FER: variants seen among roughly 807,000 people sequenced by gnomAD.
FER encodes the protein tyrosine-protein kinase Fer.
A neutral mutation model predicts 111.0 loss-of-function variants in FER; 63 were observed. That is an observed-to-expected ratio of 0.57 (90% CI 0.46 to 0.70). FER has a LOEUF of 0.70. Ranked by LOEUF, FER falls within the 30% of genes least tolerant of loss-of-function variation. The pLI, the probability that FER is intolerant of heterozygous loss-of-function variation, is 0.00. For missense variants in FER, 914 were observed against 954.0 expected (o/e 0.96, Z 0.55); for synonymous variants, 327 against 313.9 (o/e 1.04, Z -0.44).
At chr5:108,800,085 T>C (rs1756470850) in intron 3 of FER, among the ~76,000 whole-genome samples, 1 of 152,030 alleles carries the variant, frequency 6.6e-6, no homozygotes, top group Non-Finnish European at 1.5e-5. Context: ...TCAAATGATC[T>C]ACCTGCCTCG....
At chr5:108,801,594 C>T (rs1038763870) in intron 3 of FER, among the ~76,000 whole-genome samples, 3 of 152,182 alleles carry the variant, frequency 2.0e-5, no homozygotes, top group South Asian at 2.1e-4. Context: ...GCACTTATCA[C>T]GTACTATGCA....
chr5:108,926,094 T>A (rs1384551687), intron 10 of FER, among the ~76,000 whole-genome samples: 3 of 151,722 alleles, frequency 2.0e-5, no homozygotes, highest in Non-Finnish European at 4.4e-5. Context: ...ACAGTCATTG[T>A]CTTTTCAAAA....
At chr5:108,950,040 C>T (rs762783502) in intron 11 of FER, among the ~76,000 whole-genome samples, 3 of 151,774 alleles carry the variant, frequency 2.0e-5, no homozygotes, top group African/African-American at 4.8e-5. Flanking sequence ...GAGGAAACCC[C>T]AAAGGTACTG....
At chr5:108,849,785 C>G (rs1762375137) in intron 5 of FER, among the ~76,000 whole-genome samples, 1 of 152,080 alleles carries the variant, frequency 6.6e-6, no homozygotes, top group Non-Finnish European at 1.5e-5. Context: ...ATTAACATTT[C>G]TAATAAAGCT....
At chr5:108,917,341 A>G (rs553271853) in intron 10 of FER, among the ~76,000 whole-genome samples, 3 of 152,198 alleles carry the variant, frequency 2.0e-5, no homozygotes, top group Non-Finnish European at 1.5e-5. Context: ...TGGAGTAATT[A>G]TTGTAAACAC....
chr5:109,056,616 T>C (rs570485709), intron 16 of FER, among the ~76,000 whole-genome samples: 5 of 152,256 alleles, frequency 3.3e-5, no homozygotes, highest in Admixed American at 1.3e-4. Context: ...GTAGGAAATA[T>C]GTAGAATGAT....
intron 8 of FER, among the ~76,000 whole-genome samples, chr5:108,873,663 G>A (rs1326170614): frequency 6.6e-6 from 1 of 151,926 alleles, no homozygotes; most frequent in African/African-American, 2.4e-5. Context: ...CCTATACAGG[G>A]GTCTCACTTG....
chr5:108,862,237 G>A (rs1763593710), intron 5 of FER, among the ~76,000 whole-genome samples: 1 of 152,106 alleles, frequency 6.6e-6, no homozygotes, highest in Non-Finnish European at 1.5e-5. Flanking sequence ...TTAAATTTTG[G>A]CTCTAATGAC....
At chr5:108,873,364 C>T (rs1764786656) in intron 8 of FER, among the ~76,000 whole-genome samples, 1 of 152,058 alleles carries the variant, frequency 6.6e-6, no homozygotes, top group Admixed American at 6.6e-5. Context: ...AGGCTGATCT[C>T]AAATTCCTGA....
intron 16 of FER, among the ~76,000 whole-genome samples, chr5:109,058,682 A>G (rs1329362772): frequency 6.9e-6 from 1 of 145,916 alleles, no homozygotes; most frequent in Non-Finnish European, 1.5e-5. Context: ...GAAAAATGAT[A>G]TAATTTTGTG....
At chr5:109,098,240 TAAAC>T (rs1285330849) in intron 16 of FER, among the ~76,000 whole-genome samples, 2 of 151,916 alleles carry the variant, frequency 1.3e-5, no homozygotes, top group East Asian at 1.9e-4. Context: ...TATGTACTAT[TAAAC>T]AATATTTGGT....
intron 13 of FER, among the ~76,000 whole-genome samples, chr5:108,998,143 C>T (rs981991564): frequency 1.5e-5 from 2 of 130,974 alleles, no homozygotes; most frequent in Non-Finnish European, 3.1e-5. Flanking sequence ...GGGGGATGAA[C>T]GGTTCTGTCT....
chr5:108,992,902 G>A lies in FER; in HGVS notation c.1656+33555G>A, dbSNP rs531438992. Among the ~76,000 whole-genome samples, 1,009 of 151,642 alleles carry A rather than the reference G, an allele frequency of 6.7e-3. 11 individuals carry two copies. The highest frequency in any genetic ancestry group is 0.023 in the African/African-American group (946 of 41,282). ...GAGGCGCTCCTCACATCCCAGACGG[G>A]GCGGCGGGGCAGAGACGCTTCCCAC... is the stretch of plus-strand genomic sequence containing the variant. On this transcript the variant is annotated intron_variant, in intron 13 of 19. Coordinates refer to ENST00000281092, the MANE Select transcript of FER (RefSeq NM_005246.4).
chr5:109,040,423 A>T (rs1581758140), intron 14 of FER, among the ~76,000 whole-genome samples: 1 of 152,076 alleles, frequency 6.6e-6, no homozygotes, highest in Admixed American at 6.6e-5. Flanking sequence ...AAACCAGGAG[A>T]TATGATGCCT....
At chr5:109,185,967 A>T (rs1330708426) in intron 18 of FER, among the ~76,000 whole-genome samples, 1 of 152,200 alleles carries the variant, frequency 6.6e-6, no homozygotes, top group African/African-American at 2.4e-5. Context: ...GTTTTTGTGT[A>T]TCTAGACATA....
intron 17 of FER, among the ~76,000 whole-genome samples, chr5:109,117,565 G>A (rs1032713932): frequency 6.6e-6 from 1 of 152,096 alleles, no homozygotes; most frequent in Non-Finnish European, 1.5e-5. Context: ...GTAGCTTGAT[G>A]GGGATGGCAT....
intron 13 of FER, among the ~76,000 whole-genome samples, chr5:108,987,617 G>A (rs1762721798): frequency 6.6e-6 from 1 of 152,136 alleles, no homozygotes; most frequent in South Asian, 2.1e-4. Context: ...GTGTGGAAGA[G>A]CTACTGATTT....
intron 11 of FER, among the ~76,000 whole-genome samples, chr5:108,949,439 T>C (rs867663755): frequency 1.3e-5 from 2 of 152,110 alleles, no homozygotes; most frequent in Non-Finnish European, 2.9e-5. Context: ...ATTTTTTGCA[T>C]TATATCACTC....
chr5:108,881,478 C>A (rs1017628066), intron 8 of FER, among the ~76,000 whole-genome samples: 2 of 152,144 alleles, frequency 1.3e-5, no homozygotes, highest in African/African-American at 2.4e-5. Context: ...CCTCTCACAA[C>A]ACGTGGAAAT....
Sources: allele counts gnomAD v4.1 joint callset (sites outside exome capture counted in the v4.1 genomes callset), GRCh38; gene constraint gnomAD v4.1.1; transcripts MANE v1.5; gene names NCBI Gene and HGNC (gene_info 2026-07-23, HGNC 2026-07-21).